The following DGKB variants were observed in gnomAD, a reference collection of about 807,000 sequenced individuals.
DGKB encodes diacylglycerol kinase beta, also known as 90 kDa diacylglycerol kinase.
In DGKB, 67 loss-of-function variants were observed where a neutral mutation model predicts 114.3. That is an observed-to-expected ratio of 0.59 (90% CI 0.48 to 0.72). The LOEUF is 0.72. Among genes scored for constraint, DGKB ranks in the 30% least tolerant of loss-of-function variants. The pLI is 0.00. For synonymous variants in DGKB, 398 were observed against 323.1 expected, an observed-to-expected ratio of 1.23 and a Z score of -2.49; for missense variants, 907 against 975.2, an observed-to-expected ratio of 0.93 and a Z score of 0.93.
At chr7:14,958,476 C>CACACACACACACACACACA (rs3036023) in intron 1 of DGKB, among the ~76,000 whole-genome samples, 5 of 148,642 alleles carry the variant, frequency 3.4e-5, no homozygotes, top group African/African-American at 4.9e-5. Context: ...CACACACACA[C>CACACACACACACACACACA]CCCGTCCAGG....
intron 13 of DGKB, among the ~76,000 whole-genome samples, chr7:14,637,573 T>C (rs530127352): frequency 2.0e-5 from 3 of 151,492 alleles, no homozygotes; most frequent in Non-Finnish European, 4.4e-5. Context: ...TATATACTTG[T>C]GATTACAACA....
At chr7:14,882,074 A>C (rs1385591977) in intron 1 of DGKB, among the ~76,000 whole-genome samples, 2 of 152,056 alleles carry the variant, frequency 1.3e-5, no homozygotes, top group Admixed American at 6.6e-5. Flanking sequence ...ACTTAAAAAA[A>C]AATTCTACTT....
intron 6 of DGKB, among the ~76,000 whole-genome samples, chr7:14,711,753 T>C (rs1268277777): frequency 6.6e-6 from 1 of 152,004 alleles, no homozygotes; most frequent in Non-Finnish European, 1.5e-5. Context: ...GTATGTAAGC[T>C]CTCTTCCCCA....
At chr7:14,252,279 A>G (rs77653130) in intron 23 of DGKB, among the ~76,000 whole-genome samples, 4,028 of 152,170 alleles carry the variant, frequency 0.026, 163 homozygotes, top group African/African-American at 0.093. Flanking sequence ...TTTAAGATGA[A>G]TATTTAAAAT....
At chr7:14,606,045 A>T (rs1344983729) in intron 17 of DGKB, among the ~76,000 whole-genome samples, 1 of 152,116 alleles carries the variant, frequency 6.6e-6, no homozygotes, top group Non-Finnish European at 1.5e-5. Context: ...ACTTGGTTTG[A>T]TTCAACTTAC....
At chr7:14,755,920 T>A (rs1834805023) in intron 3 of DGKB, among the ~76,000 whole-genome samples, 1 of 152,090 alleles carries the variant, frequency 6.6e-6, no homozygotes, top group Non-Finnish European at 1.5e-5. Context: ...TTTAATAACA[T>A]GTTTCAACAA....
rs1440228829 is a variant in DGKB, at chr7:14,910,252, A to AAGAAAGAG, written c.-188+64443_-188+64444insCTCTTTCT. 3.8e-3 allele frequency among the ~76,000 whole-genome samples: 113 copies of AAGAAAGAG among 29,602 alleles called. 2 individuals carry two copies. Among genetic ancestry groups the AAGAAAGAG allele is most frequent in the African/African-American group, 0.024 (111 of 4,666 alleles). 19.4% of individuals were successfully genotyped at this position (29,602 alleles called of 152,430 possible). ...CGAGACTCCATCAAAAAAAGAAAGA[A>AAGAAAGAG]AGAAAGAAAGAAAGAAAGAAAGAAA... On this transcript the variant is annotated intron_variant, in intron 1 of 4. Coordinates refer to the DGKB transcript ENST00000437998.
intron 4 of DGKB, among the ~76,000 whole-genome samples, chr7:14,742,378 G>T (rs1832701232): frequency 6.6e-6 from 1 of 152,126 alleles, no homozygotes; most frequent in South Asian, 2.1e-4. Flanking sequence ...AGAAAAATAA[G>T]CATTAGATCA....
At chr7:14,544,833 C>T (rs568297935) in intron 20 of DGKB, among the ~76,000 whole-genome samples, 2 of 152,064 alleles carry the variant, frequency 1.3e-5, no homozygotes, top group African/African-American at 4.8e-5. Context: ...TCCATCTTTG[C>T]TTTCCAGGCC....
intron 1 of DGKB, among the ~76,000 whole-genome samples, chr7:14,933,179 C>A (rs1212597020): frequency 2.0e-5 from 3 of 152,178 alleles, no homozygotes; most frequent in Non-Finnish European, 2.9e-5. Flanking sequence ...TACAATAAAT[C>A]TTTGTTTCCC....
At chr7:14,315,664 A>G (rs916865947) in intron 23 of DGKB, among the ~76,000 whole-genome samples, 1 of 147,058 alleles carries the variant, frequency 6.8e-6, no homozygotes, top group African/African-American at 2.6e-5. Flanking sequence ...AGAGACTTAG[A>G]CTCCCACACA....
intron 2 of DGKB, among the ~76,000 whole-genome samples, chr7:14,804,170 C>G (rs1024305573): frequency 5.3e-5 from 8 of 151,034 alleles, no homozygotes; most frequent in African/African-American, 1.9e-4. Context: ...CCCTCTATTC[C>G]TGGACTGGTT....
At chr7:14,377,779 A>G (rs770111186) in intron 21 of DGKB, among the ~76,000 whole-genome samples, 6 of 152,142 alleles carry the variant, frequency 3.9e-5, no homozygotes, top group Non-Finnish European at 8.8e-5. Flanking sequence ...GGTCCCTGGG[A>G]TCTTCCTGGG....
chr7:14,431,756 A>C (rs56858007), intron 21 of DGKB, among the ~76,000 whole-genome samples: 2,256 of 152,232 alleles, frequency 0.015, 50 homozygotes, highest in African/African-American at 0.047. Flanking sequence ...GTTATTATAG[A>C]ACTGATACAT....
chr7:14,249,578 T>A (rs1794938836), intron 23 of DGKB, among the ~76,000 whole-genome samples: 1 of 152,192 alleles, frequency 6.6e-6, no homozygotes, highest in South Asian at 2.1e-4. Flanking sequence ...AGAGTGTGTG[T>A]TCCTAGAAAT....
chr7:14,474,693 A>G (rs1387506128), intron 21 of DGKB, among the ~76,000 whole-genome samples: 3 of 152,114 alleles, frequency 2.0e-5, no homozygotes, highest in Non-Finnish European at 4.4e-5. Flanking sequence ...TCTAAATAGC[A>G]CCATGAGAAG....
At chr7:14,848,887 C>T (rs1562709873) in intron 1 of DGKB, among the ~76,000 whole-genome samples, 1 of 152,034 alleles carries the variant, frequency 6.6e-6, no homozygotes, top group Admixed American at 6.6e-5. Context: ...TCTGACCAAC[C>T]CTGCATATCC....
chr7:14,715,611 C>T (rs970458629), intron 6 of DGKB, among the ~76,000 whole-genome samples: 4 of 151,958 alleles, frequency 2.6e-5, no homozygotes, highest in African/African-American at 7.3e-5. Flanking sequence ...AGCCTTGGGA[C>T]GGGAAGGTCC....
rs75065094 is a variant in DGKB at position 14,703,703 on chromosome 7, C to T, written c.467-1973G>A. 9.6e-3 allele frequency among the ~76,000 whole-genome samples: 1,465 copies of T among 152,240 alleles called. 25 individuals are homozygous for T. The highest frequency in any genetic ancestry group is 0.034 in the African/African-American group (1,410 of 41,526). ...ATGAGTCAGGGGTGTTTCGAGGCAA[C>T]CATCCCAGCCCAATTTAATACTTCA... is the stretch of plus-strand genomic sequence containing the variant. On this transcript the variant is annotated intron_variant, in intron 6 of 25. Transcript: ENST00000402815.
Sources: gnomAD v4.1 joint callset for allele counts (sites outside exome capture counted in the v4.1 genomes callset) on GRCh38, gnomAD v4.1.1 for gene constraint, MANE v1.5 for transcripts, NCBI Gene and HGNC (gene_info 2026-07-23, HGNC 2026-07-21) for gene names.